The following MAPK8IP3 variants were observed in gnomAD, a reference collection of about 807,000 sequenced individuals.
The protein encoded by MAPK8IP3 is mitogen-activated protein kinase 8 interacting protein 3.
MAPK8IP3 carries 49 observed loss-of-function variants against 157.8 expected under a neutral mutation model. That is an observed-to-expected ratio of 0.31 (90% CI 0.25 to 0.39). The LOEUF (loss-of-function observed/expected upper bound fraction) is 0.39. Among genes scored for constraint, MAPK8IP3 ranks in the 10% least tolerant of loss-of-function variants. The pLI, the probability that MAPK8IP3 is intolerant of heterozygous loss-of-function variation, is 1.00. For synonymous variants in MAPK8IP3, 897 were observed against 777.7 expected (o/e 1.15, Z -2.55); for missense variants, 1,478 against 1,889.4 (o/e 0.78, Z 4.04).
chr16:1,706,615 C>T lies in MAPK8IP3; in HGVS notation c.276C>T (p.Thr92=). ...GCGAGGACAACGAGCAGCTGCTCAC[C>T]CAGTACGAGCGTGAGAAGGCGCTGC... is the stretch of plus-strand genomic sequence containing the variant. The part of the protein sequence containing the change: ...LLREDNEQLL[T]QYEREKALRR... Residue 92 remains threonine (T), a synonymous_variant, in exon 1 of 32, where the codon ACC becomes ACT. Transcript: ENST00000610761. This position sits in a 1 kb window ranked among gnomAD's most constrained non-coding sequence, Gnocchi z 5.1. The T allele has an allele frequency of 6.3e-7, 1 of 1,592,320 alleles. No homozygotes were observed. The highest frequency in any genetic ancestry group is 1.8e-5 in the Admixed American group (1 of 56,252).
At chr16:1,723,241 G>A (rs1042657435) in intron 1 of MAPK8IP3, among the ~76,000 whole-genome samples, 2 of 151,704 alleles carry the variant, frequency 1.3e-5, no homozygotes, top group African/African-American at 4.8e-5. Context: ...CACCATGTTG[G>A]TCAGGCTGGT....
intron 7 of MAPK8IP3, 83 bp downstream of exon 7, chr16:1,748,429 A>T: frequency 7.9e-7 from 1 of 1,267,820 alleles, no homozygotes; most frequent in Non-Finnish European, 1.1e-6. Context: ...TTCCTCTGCC[A>T]CCACTGGGAG....
At chr16:1,756,065 C>T (rs2041581488) in intron 8 of MAPK8IP3, among the ~76,000 whole-genome samples, 1 of 152,182 alleles carries the variant, frequency 6.6e-6, no homozygotes, top group Non-Finnish European at 1.5e-5. Context: ...CCACCGAGCA[C>T]TGGCGGGTGG....
chr16:1,747,186 G>A lies in MAPK8IP3; in HGVS notation c.905G>A (p.Gly302Asp), dbSNP rs1209545925. The A allele has an allele frequency of 1.9e-6, 3 of 1,613,924 alleles. No individual in the cohort carries two copies. Among genetic ancestry groups the A allele is most frequent in the East Asian group, 2.2e-5 (1 of 44,880 alleles). Reference sequence around the variant, plus strand: ...CAGCCCCTGGGGGACTATGGCGTGGGCTCCAAGAACAGCAAGCGTGCCCGG... The same window carrying A: ...CAGCCCCTGGGGGACTATGGCGTGGACTCCAAGAACAGCAAGCGTGCCCGG... ...SLQPLGDYGV[G>D]SKNSKRAREK... Residue 302 changes from glycine to aspartate, a missense_variant, in exon 6 of 32, where the codon GGC becomes GAC. Physicochemically the swap from Gly to Asp is moderately conservative, Grantham distance 94. This residue lies in a region of MAPK8IP3 where 315 missense variants were observed against 394.4 expected (regional missense o/e 0.80). Coordinates refer to ENST00000610761, the MANE Select transcript of MAPK8IP3 (RefSeq NM_001318852.2).
At chr16:1,759,113 AG>A (rs2041788668) in intron 10 of MAPK8IP3, 118 bp downstream of exon 10, 12 of 1,366,922 alleles carry the variant, frequency 8.8e-6, no homozygotes, top group East Asian at 2.4e-5. Context: ...CGCCGGGGTC[AG>A]GGGGGCAGCC....
At chr16:1,733,611 A>G (rs2039458575) in intron 4 of MAPK8IP3, among the ~76,000 whole-genome samples, 1 of 152,136 alleles carries the variant, frequency 6.6e-6, no homozygotes, top group Admixed American at 6.5e-5. Flanking sequence ...ACCTGAGCTG[A>G]GTCTGGGCTG....
chr16:1,759,074 G>A (rs572894141), intron 10 of MAPK8IP3, 79 bp downstream of exon 10: 1 of 1,583,482 alleles, frequency 6.3e-7, no homozygotes, highest in East Asian at 2.2e-5. Context: ...CGTTTGCTTT[G>A]TTCTGCATGA....
At chr16:1,755,932 TAAAG>T (rs1248476150) in intron 8 of MAPK8IP3, among the ~76,000 whole-genome samples, 2 of 145,328 alleles carry the variant, frequency 1.4e-5, no homozygotes, top group Admixed American at 6.8e-5. Flanking sequence ...TCGGAAATAA[TAAAG>T]AAATAAAGAG....
At chr16:1,764,079 G>C in intron 17 of MAPK8IP3, 36 bp from the exon 18 acceptor site, 1 of 1,552,390 alleles carries the variant, frequency 6.4e-7, no homozygotes, top group Non-Finnish European at 8.8e-7. Flanking sequence ...GTAGGAGCCA[G>C]GGTTCGTGCC....
chr16:1,768,556 G>A lies in MAPK8IP3; in HGVS notation c.3822G>A (p.Glu1274=), dbSNP rs377053210. 116 of 1,572,572 alleles carry A rather than the reference G, an allele frequency of 7.4e-5. No individual in the cohort carries two copies. Among genetic ancestry groups the A allele is most frequent in the Non-Finnish European group, 9.7e-5 (113 of 1,160,070 alleles). Residue 1274 remains glutamate, a synonymous_variant, in exon 31 of 32, where the codon GAG becomes GAA. Coordinates refer to ENST00000610761, the MANE Select transcript of MAPK8IP3 (RefSeq NM_001318852.2). ...CTGGGCCAGCTGCCCCTGCCTCGGA[G>A]GTCGAGGGCCAGAAGCTGCGGAACG... The part of the protein sequence containing the change: ...EGPGPAAPAS[E]VEGQKLRNVL...
At chr16:1,754,407 C>T (rs776629930) in intron 8 of MAPK8IP3, among the ~76,000 whole-genome samples, 4 of 152,164 alleles carry the variant, frequency 2.6e-5, no homozygotes, top group Non-Finnish European at 5.9e-5. Context: ...TGATCTTTCT[C>T]TCCGCTCTGC....
intron 1 of MAPK8IP3, among the ~76,000 whole-genome samples, chr16:1,708,908 G>A (rs2037573885): frequency 6.6e-6 from 1 of 152,174 alleles, no homozygotes; most frequent in Non-Finnish European, 1.5e-5. Context: ...TTCCAACTTT[G>A]TAGACCATTG....
intron 4 of MAPK8IP3, among the ~76,000 whole-genome samples, chr16:1,734,793 A>G (rs908704186): frequency 3.9e-5 from 6 of 152,280 alleles, no homozygotes; most frequent in Non-Finnish European, 2.9e-5. Flanking sequence ...TTGATTCACC[A>G]TGAGGGCGCC....
At chr16:1,739,928 G>C (rs1402264812) in intron 4 of MAPK8IP3, among the ~76,000 whole-genome samples, 3 of 130,698 alleles carry the variant, frequency 2.3e-5, no homozygotes, top group South Asian at 3.1e-4. Flanking sequence ...GTGAGCTTCC[G>C]TGTGACTGTC....
intron 4 of MAPK8IP3, among the ~76,000 whole-genome samples, chr16:1,738,370 G>A (rs2040238662): frequency 9.4e-6 from 1 of 106,658 alleles, no homozygotes; most frequent in Non-Finnish European, 1.9e-5. Context: ...GTGTGAGTGT[G>A]ACCATCCATG....
intron 10 of MAPK8IP3, 125 bp downstream of exon 10, chr16:1,759,120 C>A: frequency 7.7e-7 from 1 of 1,299,238 alleles, no homozygotes. Flanking sequence ...GTCAGGGGGG[C>A]AGCCCTGAGT....
chr16:1,725,966 G>A (rs753089282), intron 2 of MAPK8IP3, among the ~76,000 whole-genome samples: 9 of 152,198 alleles, frequency 5.9e-5, no homozygotes, highest in Non-Finnish European at 1.0e-4. Flanking sequence ...TTACAGGCGC[G>A]AGCCACCGCG....
rs145048496 is a variant in MAPK8IP3, at chr16:1,737,351, CGTGA to C, written c.603-5977_603-5974del. On this transcript the variant is annotated intron_variant, in intron 4 of 31. Coordinates refer to ENST00000610761, the MANE Select transcript of MAPK8IP3 (RefSeq NM_001318852.2). ...GAGCATCCGTGTGAGCGTGACCGTC[CGTGA>C]GTGTGTGACCGTCCGTGTGAGAGTG... Among the ~76,000 whole-genome samples the C allele has an allele frequency of 3.2e-3, 244 of 76,576 alleles. 36 individuals are homozygous for C. The East Asian group carries it at 0.098, about 31-fold the overall frequency. The allele number at this position is 76,576 out of a possible 152,430, so 50.2% of individuals were successfully genotyped here. A position where few individuals can be genotyped will look rare whatever the true frequency, so the allele number is the denominator to read the frequency against.
rs918414315 is a variant in MAPK8IP3, at chr16:1,741,607, G to A, written c.603-1725G>A. Among the ~76,000 whole-genome samples, 44 of 152,132 alleles carry A rather than the reference G, an allele frequency of 2.9e-4. No homozygotes were observed. Among genetic ancestry groups the A allele is most frequent in the African/African-American group, 9.7e-4 (40 of 41,418 alleles). ...CAGCAGAGGCGCTCCCCGCACCAGC[G>A]TTGGGAGCGCAGTGGAAGTGGGGCC... On this transcript the variant is annotated intron_variant, in intron 4 of 31. Coordinates refer to ENST00000610761, the MANE Select transcript of MAPK8IP3 (RefSeq NM_001318852.2). The surrounding 1 kb of genome is among the most constrained non-coding windows in gnomAD (Gnocchi z 6.9).
Sources: gnomAD v4.1 joint callset for allele counts (sites outside exome capture counted in the v4.1 genomes callset) on GRCh38, gnomAD v4.1.1 for gene constraint, gnomAD v4.1.1 regional missense constraint, Gnocchi (gnomAD v3.1) non-coding constraint, MANE v1.5 for transcripts, NCBI Gene and HGNC (gene_info 2026-07-23, HGNC 2026-07-21) for gene names.